Variants in PLEKHM3 observed in about 807,000 individuals in gnomAD.
PLEKHM3 encodes the protein pleckstrin homology domain-containing family M member 3.
Under a neutral mutation model 81.8 loss-of-function variants are expected in PLEKHM3, and 45 were observed. The observed-to-expected ratio is 0.55, with a 90% CI of 0.43 to 0.71. The LOEUF is 0.71. Ranked by LOEUF, PLEKHM3 falls within the 30% of genes least tolerant of loss-of-function variation. PLEKHM3 has a pLI of 0.00. For synonymous variants in PLEKHM3, 352 were observed against 356.4 expected (o/e 0.99, Z 0.14); for missense variants, 788 against 924.3 (o/e 0.85, Z 1.91).
At chr2:207,993,443 C>A (rs1208753285) in intron 2 of PLEKHM3, among the ~76,000 whole-genome samples, 3 of 151,272 alleles carry the variant, frequency 2.0e-5, no homozygotes, top group Non-Finnish European at 4.4e-5. Context: ...GGCTCCAAGG[C>A]TTTTGAGAAA....
rs1384345578 is a variant in PLEKHM3 at position 207,976,341 on chromosome 2, A to C, written c.1546+310T>G. The stretch of plus-strand genomic sequence containing the variant: ...TATTCAAGAAAGCAGAGGGAATGGA[A>C]TCACAGCCGACTCAGGAAACCTAAA... On this transcript the variant is annotated intron_variant, in intron 3 of 7. Transcript: ENST00000427836. The surrounding 1 kb of genome is among the most constrained non-coding windows in gnomAD (Gnocchi z 4.1). Among the ~76,000 whole-genome samples the C allele has an allele frequency of 6.6e-6, 1 of 152,214 alleles. No homozygotes were observed. Among genetic ancestry groups the C allele is most frequent in the Non-Finnish European group, 1.5e-5 (1 of 68,038 alleles).
chr2:207,856,756 G>A (rs1044666839), intron 7 of PLEKHM3, among the ~76,000 whole-genome samples: 3 of 152,118 alleles, frequency 2.0e-5, no homozygotes, highest in Non-Finnish European at 2.9e-5. Flanking sequence ...TATGAATAAA[G>A]CTGCCATAAA....
chr2:207,850,223 T>C (rs2092405441), intron 7 of PLEKHM3, among the ~76,000 whole-genome samples: 1 of 152,176 alleles, frequency 6.6e-6, no homozygotes, highest in African/African-American at 2.4e-5. Flanking sequence ...ACCTCTACGC[T>C]GGGGACCAAG....
intron 3 of PLEKHM3, among the ~76,000 whole-genome samples, chr2:207,974,835 CTT>C (rs1239861236): frequency 1.3e-4 from 18 of 142,828 alleles, no homozygotes; most frequent in Non-Finnish European, 1.5e-4. Context: ...AGTAGAGCTT[CTT>C]TTTTTTTTTT....
rs62189256 is a variant in PLEKHM3, at chr2:207,894,974, C to T, written c.1950+13540G>A. On this transcript the variant is annotated intron_variant, in intron 6 of 7. Transcript: ENST00000427836. ...TGTGTGGATTAAATGAGATAATCCACGTAGATTTAGGACAGGGTCTGGCCT... is the reference window on the plus strand; with the variant it reads ...TGTGTGGATTAAATGAGATAATCCATGTAGATTTAGGACAGGGTCTGGCCT... Among the ~76,000 whole-genome samples the T allele has an allele frequency of 3.5e-3, 538 of 152,028 alleles. 1 individual carries two copies. Among genetic ancestry groups the T allele is most frequent in the Non-Finnish European group, 5.0e-3 (338 of 67,986 alleles).
At chr2:207,858,180 A>ATGTTTT (rs751293954) in intron 7 of PLEKHM3, among the ~76,000 whole-genome samples, 1 of 103,846 alleles carries the variant, frequency 9.6e-6, no homozygotes, top group South Asian at 2.8e-4. Context: ...GTGTGTATAT[A>ATGTTTT]TTTTTTTTTT....
chr2:207,998,236 G>A (rs967993525), intron 2 of PLEKHM3, among the ~76,000 whole-genome samples: 5 of 152,236 alleles, frequency 3.3e-5, no homozygotes, highest in African/African-American at 1.2e-4. Context: ...GGGAGCAGTG[G>A]CTCACGCCTG....
chr2:207,918,305 G>A (rs1201949005), intron 5 of PLEKHM3, among the ~76,000 whole-genome samples: 1 of 152,158 alleles, frequency 6.6e-6, no homozygotes, highest in Non-Finnish European at 1.5e-5. Flanking sequence ...GGTGGATCAC[G>A]AGGTCAGGAG....
Position 207,976,797 on chromosome 2 carries a change from A to T in PLEKHM3, c.1400T>A (p.Val467Asp). Residue 467 changes from valine (V) to aspartate (D), a missense_variant, in exon 3 of 8, where the codon GTC becomes GAC. Coordinates refer to ENST00000427836, the MANE Select transcript of PLEKHM3 (RefSeq NM_001080475.3). This position sits in a 1 kb window ranked among gnomAD's most constrained non-coding sequence, Gnocchi z 4.1. ...VARSSEQNLQ[V>D]TLRNKPKDQM... is the part of the protein sequence containing the mutation. ...ATCCTTGGGTTTGTTCCTCAGTGTG[A>T]CTTGCAGGTTTTGCTCTGAACTCCT... 6.2e-7 allele frequency: 1 copy of T among 1,614,194 alleles called. No individual in the cohort carries two copies.
At chr2:208,024,570 C>T (rs953579867) in intron 1 of PLEKHM3, among the ~76,000 whole-genome samples, 2 of 152,126 alleles carry the variant, frequency 1.3e-5, no homozygotes, top group African/African-American at 4.8e-5. Context: ...TCAAAAACTG[C>T]CTTGTATTTT....
chr2:207,938,796 A>G (rs151153890), intron 4 of PLEKHM3, among the ~76,000 whole-genome samples: 7 of 152,274 alleles, frequency 4.6e-5, no homozygotes, highest in African/African-American at 1.2e-4. Flanking sequence ...TTGCCTAGCT[A>G]TCCTCTCAAA....
At chr2:208,007,377 A>T (rs1692528276) in intron 1 of PLEKHM3, among the ~76,000 whole-genome samples, 1 of 152,184 alleles carries the variant, frequency 6.6e-6, no homozygotes. Flanking sequence ...TTTCTGGACC[A>T]CGAGGCTACA....
At chr2:207,881,168 A>G (rs961111021) in intron 6 of PLEKHM3, among the ~76,000 whole-genome samples, 7 of 152,222 alleles carry the variant, frequency 4.6e-5, no homozygotes, top group Admixed American at 3.9e-4. Flanking sequence ...AATACAAACA[A>G]GAAGGTTAAA....
At chr2:207,958,285 C>T (rs2105992034) in intron 3 of PLEKHM3, among the ~76,000 whole-genome samples, 1 of 152,296 alleles carries the variant, frequency 6.6e-6, no homozygotes, top group East Asian at 1.9e-4. Context: ...CTGCTCCAAG[C>T]TTGGCTCTTT....
chr2:208,007,139 C>T (rs981605906), intron 1 of PLEKHM3, among the ~76,000 whole-genome samples: 3 of 152,214 alleles, frequency 2.0e-5, no homozygotes, highest in African/African-American at 7.2e-5. Context: ...GGGGCCATAT[C>T]ATTTTAGAAG....
intron 6 of PLEKHM3, among the ~76,000 whole-genome samples, chr2:207,881,064 T>C (rs2092589197): frequency 6.6e-6 from 1 of 151,640 alleles, no homozygotes. Flanking sequence ...AATTTCTGAA[T>C]TTATCTTAAA....
At chr2:207,913,932 AACAC>A (rs56352112) in intron 5 of PLEKHM3, among the ~76,000 whole-genome samples, 8 of 151,322 alleles carry the variant, frequency 5.3e-5, no homozygotes, top group South Asian at 4.2e-4. Flanking sequence ...CGTGCATGAA[AACAC>A]ACACACACAC....
chr2:207,885,819 G>T (rs944855729), intron 6 of PLEKHM3, among the ~76,000 whole-genome samples: 1 of 152,194 alleles, frequency 6.6e-6, no homozygotes, highest in Non-Finnish European at 1.5e-5. Context: ...AAACCTAGGG[G>T]AATAGACATA....
At chr2:208,005,265 ATTAAC>A (rs1692460318) in intron 1 of PLEKHM3, among the ~76,000 whole-genome samples, 2 of 152,208 alleles carry the variant, frequency 1.3e-5, no homozygotes, top group Non-Finnish European at 2.9e-5. Context: ...TTACATTATT[ATTAAC>A]TTAAGTCTAT....
Sources: gnomAD v4.1 joint callset for allele counts (sites outside exome capture counted in the v4.1 genomes callset) on GRCh38, gnomAD v4.1.1 for gene constraint, Gnocchi (gnomAD v3.1) non-coding constraint, MANE v1.5 for transcripts, NCBI Gene and HGNC (gene_info 2026-07-23, HGNC 2026-07-21) for gene names.